Variants in LRP1B observed in about 807,000 individuals in gnomAD.
LRP1B encodes low-density lipoprotein receptor-related protein 1B.
In LRP1B, 217 loss-of-function variants were observed where a neutral mutation model predicts 556.6. That is an observed-to-expected ratio of 0.39 (90% CI 0.35 to 0.44). The LOEUF is 0.44. Among genes scored for constraint, LRP1B ranks in the 20% least tolerant of loss-of-function variants. The probability of loss-of-function intolerance (pLI) is 1.00; values close to 1 mark genes in which losing one functional copy is unlikely to be tolerated. For missense variants in LRP1B, 5,053 were observed against 5,620.8 expected (o/e 0.90, Z 3.23); for synonymous variants, 2,047 against 1,865.8 (o/e 1.10, Z -2.50).
chr2:142,086,645 A>AAC (rs1559063426), intron 1 of LRP1B, among the ~76,000 whole-genome samples: 125 of 152,014 alleles, frequency 8.2e-4, no homozygotes, highest in African/African-American at 2.3e-3. Context: ...ACAAACAAAA[A>AAC]AAAAACACAA....
At chr2:140,285,382 C>T (rs190111734) in intron 84 of LRP1B, among the ~76,000 whole-genome samples, 1 of 146,912 alleles carries the variant, frequency 6.8e-6, no homozygotes, top group Admixed American at 6.8e-5. Flanking sequence ...TATATACACA[C>T]ATATATATAT....
At chr2:142,096,242 C>T (rs1054228868) in intron 1 of LRP1B, among the ~76,000 whole-genome samples, 4 of 151,758 alleles carry the variant, frequency 2.6e-5, no homozygotes, top group African/African-American at 9.6e-5. Flanking sequence ...ATCCAGCCTC[C>T]TTGTTCTCAG....
intron 89 of LRP1B, among the ~76,000 whole-genome samples, 173 bp downstream of exon 89, chr2:140,237,979 T>C (rs1183462782): frequency 6.6e-6 from 1 of 150,848 alleles, no homozygotes; most frequent in Non-Finnish European, 1.5e-5. Context: ...TTCAGGTGAA[T>C]GCAGTCCATA....
chr2:140,315,262 T>C (rs1684471545), intron 82 of LRP1B, among the ~76,000 whole-genome samples, 163 bp from the exon 83 acceptor site: 1 of 152,134 alleles, frequency 6.6e-6, no homozygotes, highest in South Asian at 2.1e-4. Context: ...TGAAAACAGA[T>C]AGATTCTGGT....
At chr2:141,977,520 C>A (rs1193903250) in intron 1 of LRP1B, among the ~76,000 whole-genome samples, 1 of 152,136 alleles carries the variant, frequency 6.6e-6, no homozygotes, top group Non-Finnish European at 1.5e-5. Context: ...CGAGATCATG[C>A]CTCTGCACTC....
At chr2:141,818,873 G>T (rs1187227664) in intron 1 of LRP1B, among the ~76,000 whole-genome samples, 2 of 151,546 alleles carry the variant, frequency 1.3e-5, no homozygotes, top group Non-Finnish European at 2.9e-5. Context: ...TCCTTTGCTT[G>T]GGATGCCCTT....
chr2:141,663,762 T>C (rs990942438), intron 2 of LRP1B, among the ~76,000 whole-genome samples: 5 of 151,964 alleles, frequency 3.3e-5, no homozygotes, highest in African/African-American at 9.7e-5. Context: ...CAGAGGTACA[T>C]AGAGGAGTTG....
chr2:140,983,118 C>T (rs116673599), intron 17 of LRP1B, among the ~76,000 whole-genome samples: 4,059 of 152,196 alleles, frequency 0.027, 179 homozygotes, highest in African/African-American at 0.089. Context: ...TTCCCTGCCT[C>T]TTCCCCCAGG....
intron 86 of LRP1B, among the ~76,000 whole-genome samples, chr2:140,263,562 A>G (rs1682045713): frequency 6.6e-6 from 1 of 152,158 alleles, no homozygotes; most frequent in Non-Finnish European, 1.5e-5. Flanking sequence ...AGCAAGGAGA[A>G]ACCAGGCCAT....
In LRP1B at chr2:142,013,531, T is replaced by C. The variant is rs150852503; in HGVS notation, c.82+117117A>G. Among the ~76,000 whole-genome samples the C allele has an allele frequency of 5.2e-3, 790 of 151,730 alleles. 9 individuals carry two copies. The highest frequency in any genetic ancestry group is 0.019 in the African/African-American group (772 of 41,368). ...TGCACAGAATAAAATATTTACAGAA[T>C]CCTTCTTACACATGTAATATATCTA... On this transcript the variant is annotated intron_variant, in intron 1 of 90. Coordinates refer to ENST00000389484, the MANE Select transcript of LRP1B (RefSeq NM_018557.3).
chr2:140,668,278 C>T (rs1224998206), intron 41 of LRP1B, among the ~76,000 whole-genome samples: 1 of 128,838 alleles, frequency 7.8e-6, no homozygotes, highest in Middle Eastern at 5.0e-3. Context: ...CCACTGTACT[C>T]CAGCCTGGGT....
At chr2:141,178,444 T>C (rs1160420701) in intron 7 of LRP1B, among the ~76,000 whole-genome samples, 1 of 152,122 alleles carries the variant, frequency 6.6e-6, no homozygotes, top group East Asian at 1.9e-4. Flanking sequence ...GGACAGTGGA[T>C]TCAGATATCT....
chr2:140,404,056 TA>T (rs1265729665), intron 66 of LRP1B, among the ~76,000 whole-genome samples: 1 of 151,526 alleles, frequency 6.6e-6, no homozygotes, highest in East Asian at 1.9e-4. Context: ...AAATCATTTT[TA>T]AACAAACAAA....
chr2:141,394,654 G>A (rs1159248856), intron 3 of LRP1B, among the ~76,000 whole-genome samples: 1 of 151,880 alleles, frequency 6.6e-6, no homozygotes, highest in Non-Finnish European at 1.5e-5. Flanking sequence ...AGGAATTTTG[G>A]GACCCAGATA....
Position 141,045,018 on chromosome 2 carries a change from C to A in LRP1B, c.1789+3968G>T, listed in dbSNP as rs1029508751. 1.6e-3 allele frequency among the ~76,000 whole-genome samples: 242 copies of A among 151,588 alleles called. 1 individual carries two copies. The highest frequency in any genetic ancestry group is 5.6e-3 in the African/African-American group (231 of 41,320). ...CATGATAGCAAAGACTTGGAACCAA[C>A]CCAAATGTCCAACAATGATAGACTG... On this transcript the variant is annotated intron_variant, in intron 11 of 90. Transcript: ENST00000389484.
chr2:140,741,926 C>A (rs1042282480), intron 35 of LRP1B, among the ~76,000 whole-genome samples: 1 of 152,146 alleles, frequency 6.6e-6, no homozygotes, highest in Non-Finnish European at 1.5e-5. Context: ...CATGTCACTG[C>A]AAAGGACATG....
At chr2:140,401,951 C>T (rs899804239) in intron 66 of LRP1B, among the ~76,000 whole-genome samples, 6 of 152,194 alleles carry the variant, frequency 3.9e-5, no homozygotes, top group African/African-American at 1.4e-4. Flanking sequence ...ACTAAGGAAG[C>T]TCACAGAGTC....
chr2:141,851,625 G>A (rs1206826946), intron 1 of LRP1B, among the ~76,000 whole-genome samples: 2 of 151,610 alleles, frequency 1.3e-5, no homozygotes, highest in Non-Finnish European at 3.0e-5. Flanking sequence ...ACATCAGATG[G>A]GCATTGAGTA....
intron 1 of LRP1B, among the ~76,000 whole-genome samples, chr2:141,966,175 T>G (rs1262997137): frequency 3.3e-5 from 5 of 151,916 alleles, no homozygotes; most frequent in Non-Finnish European, 7.4e-5. Context: ...TGAGCACCTA[T>G]GGCATACAGA....
Sources: gnomAD v4.1 joint callset for allele counts (sites outside exome capture counted in the v4.1 genomes callset) on GRCh38, gnomAD v4.1.1 for gene constraint, MANE v1.5 for transcripts, NCBI Gene and HGNC (gene_info 2026-07-23, HGNC 2026-07-21) for gene names.